The following PTPRO variants were observed in gnomAD, a reference collection of about 807,000 sequenced individuals.
PTPRO encodes the protein receptor-type tyrosine-protein phosphatase O.
A neutral mutation model predicts 145.2 loss-of-function variants in PTPRO; 62 were observed. The observed-to-expected ratio is 0.43, with a 90% confidence interval of 0.35 to 0.53. The LOEUF (loss-of-function observed/expected upper bound fraction) is 0.53. PTPRO is among the 20% of genes least tolerant of loss of function. The pLI is 0.01. For synonymous variants in PTPRO, 565 were observed against 514.7 expected (o/e 1.10, Z -1.32); for missense variants, 1,345 against 1,482.7 (o/e 0.91, Z 1.53).
chr12:15,518,643 C>T (rs1028486103), intron 9 of PTPRO, among the ~76,000 whole-genome samples: 13 of 152,306 alleles, frequency 8.5e-5, no homozygotes, highest in Admixed American at 3.3e-4. Context: ...TGCTTTGCTG[C>T]TTAGAAATTT....
At chr12:15,441,106 G>T (rs981279031) in intron 1 of PTPRO, among the ~76,000 whole-genome samples, 2 of 152,046 alleles carry the variant, frequency 1.3e-5, no homozygotes, top group Non-Finnish European at 2.9e-5. Context: ...TTGACCACAT[G>T]CTCTACCATA....
At chr12:15,434,267 A>G (rs184422690) in intron 1 of PTPRO, among the ~76,000 whole-genome samples, 57 of 152,330 alleles carry the variant, frequency 3.7e-4, no homozygotes, top group Admixed American at 5.9e-4. Context: ...TCTTAAGTTC[A>G]AATGCACTAA....
chr12:15,330,416 G>A (rs1866574298), intron 1 of PTPRO, among the ~76,000 whole-genome samples: 1 of 152,236 alleles, frequency 6.6e-6, no homozygotes, highest in South Asian at 2.1e-4. Context: ...ATGTGTGCTG[G>A]ACAGTCTACT....
intron 1 of PTPRO, among the ~76,000 whole-genome samples, chr12:15,424,250 GT>G (rs970967821): frequency 1.0e-3 from 153 of 152,222 alleles, no homozygotes; most frequent in Middle Eastern, 3.4e-3. Flanking sequence ...TATTTGACAA[GT>G]TTTTTGAAGA....
chr12:15,577,135 A>G (rs948432123), intron 19 of PTPRO, among the ~76,000 whole-genome samples: 1 of 152,230 alleles, frequency 6.6e-6, no homozygotes, highest in Non-Finnish European at 1.5e-5. Flanking sequence ...CTGAGATGGA[A>G]AAAACCAATT....
chr12:15,515,587 A>G lies in PTPRO; in HGVS notation c.1554A>G (p.Gly518=). Residue 518 remains glycine, a synonymous_variant, in exon 8 of 27, where the codon GGA becomes GGG. Transcript: ENST00000281171. ...ACCTAAGGAAAGGCCCTTTGATTGG[A>G]CCACCTTCAGATCCTGTGACATTTG... ...VIYLRKGPLI[G]PPSDPVTFAI... 3 of 1,613,972 alleles carry G rather than the reference A, an allele frequency of 1.9e-6. No homozygotes were observed. The highest frequency in any genetic ancestry group is 2.5e-6 in the Non-Finnish European group (3 of 1,179,962).
intron 1 of PTPRO, among the ~76,000 whole-genome samples, chr12:15,451,882 A>C (rs1941055201): frequency 6.6e-6 from 1 of 152,196 alleles, no homozygotes. Context: ...GAATGCCTAC[A>C]TCAAAGAGTC....
chr12:15,400,716 C>T (rs1939469358), intron 1 of PTPRO, among the ~76,000 whole-genome samples: 1 of 152,186 alleles, frequency 6.6e-6, no homozygotes, highest in African/African-American at 2.4e-5. Flanking sequence ...TGTAAATGAG[C>T]ACCTATTTTA....
chr12:15,395,837 A>G (rs545709352), intron 1 of PTPRO, among the ~76,000 whole-genome samples: 1 of 150,322 alleles, frequency 6.7e-6, no homozygotes, highest in East Asian at 1.9e-4. Context: ...ACACACACAC[A>G]CACTGATGAT....
intron 1 of PTPRO, among the ~76,000 whole-genome samples, chr12:15,472,383 G>A (rs1323042797): frequency 6.6e-6 from 1 of 152,202 alleles, no homozygotes; most frequent in African/African-American, 2.4e-5. Context: ...CATTACAAGA[G>A]TTCATGATTT....
chr12:15,503,499 T>C (rs1030737472), intron 5 of PTPRO, among the ~76,000 whole-genome samples: 15 of 152,306 alleles, frequency 9.8e-5, no homozygotes, highest in African/African-American at 3.4e-4. Context: ...CACTTCTGGA[T>C]GGTTAATACT....
chr12:15,541,017 C>G (rs1415251023), intron 12 of PTPRO, among the ~76,000 whole-genome samples: 1 of 152,176 alleles, frequency 6.6e-6, no homozygotes, highest in Non-Finnish European at 1.5e-5. Flanking sequence ...TATTTAAAAG[C>G]AAACAACCCT....
intron 1 of PTPRO, among the ~76,000 whole-genome samples, chr12:15,384,526 G>A (rs1396458004): frequency 6.6e-6 from 1 of 152,152 alleles, no homozygotes; most frequent in Non-Finnish European, 1.5e-5. Context: ...TCACATGGCA[G>A]AGATAGAGAC....
chr12:15,453,313 A>G (rs1224342870), intron 1 of PTPRO, among the ~76,000 whole-genome samples: 1 of 151,980 alleles, frequency 6.6e-6, no homozygotes, highest in East Asian at 1.9e-4. Flanking sequence ...AGTGAGATTC[A>G]GTCTCAAAAA....
chr12:15,529,036 G>A (rs1400302419), intron 12 of PTPRO, among the ~76,000 whole-genome samples: 2 of 152,160 alleles, frequency 1.3e-5, no homozygotes, highest in Non-Finnish European at 2.9e-5. Flanking sequence ...GAGAGAAAAA[G>A]ACACATGCGA....
intron 1 of PTPRO, among the ~76,000 whole-genome samples, chr12:15,403,574 C>T (rs1249832865): frequency 6.6e-6 from 1 of 152,172 alleles, no homozygotes; most frequent in East Asian, 1.9e-4. Flanking sequence ...GAGAGCGAGA[C>T]TCCGTCTCAA....
At chr12:15,514,835 C>T (rs1013813583) in intron 7 of PTPRO, among the ~76,000 whole-genome samples, 9 of 152,044 alleles carry the variant, frequency 5.9e-5, no homozygotes, top group Non-Finnish European at 2.9e-5. Context: ...ACAAACTCGG[C>T]TCACTGCACC....
At chr12:15,360,879 C>CTGTGTGTGT (rs1938170887) in intron 1 of PTPRO, among the ~76,000 whole-genome samples, 2 of 98,256 alleles carry the variant, frequency 2.0e-5, no homozygotes, top group Non-Finnish European at 4.6e-5. Context: ...TGTATATACA[C>CTGTGTGTGT]ACATACACAT....
At chr12:15,550,728 G>T (rs1943434126) in intron 14 of PTPRO, among the ~76,000 whole-genome samples, 1 of 152,162 alleles carries the variant, frequency 6.6e-6, no homozygotes, top group African/African-American at 2.4e-5. Context: ...GAACCTTAGG[G>T]ATCAGATGCA....
Sources: gnomAD v4.1 joint callset for allele counts (sites outside exome capture counted in the v4.1 genomes callset) on GRCh38, gnomAD v4.1.1 for gene constraint, MANE v1.5 for transcripts, NCBI Gene and HGNC (gene_info 2026-07-23, HGNC 2026-07-21) for gene names.